CRB1: variants seen among roughly 807,000 people sequenced by gnomAD.
CRB1 encodes protein crumbs homolog 1.
A neutral mutation model predicts 120.0 loss-of-function variants in CRB1; 83 were observed. That is an observed-to-expected ratio of 0.69 (90% CI 0.58 to 0.83). The LOEUF (loss-of-function observed/expected upper bound fraction) is 0.83. Among genes scored for constraint, CRB1 ranks in the 40% least tolerant of loss-of-function variants. The pLI is 0.00. For missense variants in CRB1, 1,699 were observed against 1,687.6 expected, an observed-to-expected ratio of 1.01 and a Z score of -0.12; for synonymous variants, 625 against 612.5, an observed-to-expected ratio of 1.02 and a Z score of -0.30.
In CRB1 at chr1:197,329,018, A is replaced by G. The variant is rs755472793; in HGVS notation, c.652+15A>G. ...CAATTATTCTGGTAAGTGTGATCAT[A>G]TCTGAATCACAGATGGTGTAGTTAG... On this transcript the variant is annotated intron_variant, in intron 2 of 11. Transcript: ENST00000367400. The G allele has an allele frequency of 6.3e-7, 1 of 1,585,744 alleles. No homozygotes were observed. Among genetic ancestry groups the G allele is most frequent in the Non-Finnish European group, 8.6e-7 (1 of 1,158,778 alleles).
At chr1:197,220,104 C>G in the CRB1 span, among the ~76,000 whole-genome samples, 1 of 152,034 alleles carries the variant, frequency 6.6e-6, no homozygotes, top group Non-Finnish European at 1.5e-5. Context: ...CATCCTCTTT[C>G]TTTATTCTCC....
chr1:197,298,769 CATT>C (rs1656690189), intron 1 of CRB1, among the ~76,000 whole-genome samples: 2 of 152,036 alleles, frequency 1.3e-5, no homozygotes, highest in South Asian at 4.1e-4. Flanking sequence ...GTATTGCCAT[CATT>C]GGGAACAGAA....
chr1:197,430,260 C>T (rs1323734543), intron 8 of CRB1, among the ~76,000 whole-genome samples: 4 of 152,148 alleles, frequency 2.6e-5, no homozygotes, highest in Non-Finnish European at 4.4e-5. Flanking sequence ...TATTTATATT[C>T]TGTCTTCTCA....
At chr1:197,419,609 C>T (rs1664182426) in intron 5 of CRB1, among the ~76,000 whole-genome samples, 1 of 152,008 alleles carries the variant, frequency 6.6e-6, no homozygotes, top group South Asian at 2.1e-4. Context: ...GCAATCCACC[C>T]AGCTAGGCCC....
chr1:197,249,243 T>TACAC, the CRB1 span, among the ~76,000 whole-genome samples: 1 of 152,014 alleles, frequency 6.6e-6, no homozygotes, highest in African/African-American at 2.4e-5. Flanking sequence ...TAGTGCTCCA[T>TACAC]TAAATATACA....
chr1:197,354,722 G>C (rs937864842), intron 4 of CRB1, among the ~76,000 whole-genome samples: 4 of 145,348 alleles, frequency 2.8e-5, no homozygotes, highest in Non-Finnish European at 6.0e-5. Flanking sequence ...ATTTCAACAA[G>C]CAAAAGCACA....
At chr1:197,472,277 T>C (rs1386808605) in intron 11 of CRB1, among the ~76,000 whole-genome samples, 3 of 152,348 alleles carry the variant, frequency 2.0e-5, no homozygotes, top group Middle Eastern at 6.8e-3. Context: ...CAGGAAAGAC[T>C]TGAAGTAATT....
chr1:197,323,150 G>A (rs1658299858), intron 1 of CRB1, among the ~76,000 whole-genome samples: 1 of 152,042 alleles, frequency 6.6e-6, no homozygotes, highest in Admixed American at 6.6e-5. Context: ...CTATTTTGAT[G>A]TACAGTGGAA....
In CRB1 at chr1:197,420,575, A is replaced by G. The variant is rs138992998; in HGVS notation, c.1172-425A>G. Among the ~76,000 whole-genome samples, 334 of 152,324 alleles carry G rather than the reference A, an allele frequency of 2.2e-3. 2 individuals are homozygous for G. The highest frequency in any genetic ancestry group is 7.7e-3 in the African/African-American group (320 of 41,576). ...ATATAAGGCAAAATCACTGTTTCCA[A>G]GTAGAATAGAGTGAAATCTGCAGCC... On this transcript the variant is annotated intron_variant, in intron 5 of 11. Coordinates refer to ENST00000367400, the MANE Select transcript of CRB1 (RefSeq NM_201253.3).
intron 5 of CRB1, chr1:197,360,532 TAA>T (rs1285060705): frequency 6.6e-6 from 1 of 152,208 alleles, no homozygotes; most frequent in Non-Finnish European, 1.5e-5. Flanking sequence ...TTTTCCTTGG[TAA>T]CTCCAATACT....
Position 197,406,004 on chromosome 1 carries a change from G to A in CRB1, c.1172-14996G>A, listed in dbSNP as rs1229413161. 8.8e-4 allele frequency among the ~76,000 whole-genome samples: 133 copies of A among 150,892 alleles called. 1 individual carries two copies. Among genetic ancestry groups the A allele is most frequent in the Admixed American group, 2.8e-3 (42 of 15,246 alleles). On this transcript the variant is annotated intron_variant, in intron 5 of 11. Coordinates refer to ENST00000367400, the MANE Select transcript of CRB1 (RefSeq NM_201253.3). ...CCGCCCCGTCCGGGAGGTGAGGGGC[G>A]CCTCTGCCCGGCCGCCCCTACTGGG...
intron 1 of CRB1, among the ~76,000 whole-genome samples, chr1:197,276,987 T>A (rs865896758): frequency 6.6e-6 from 1 of 151,900 alleles, no homozygotes; most frequent in Non-Finnish European, 1.5e-5. Context: ...AAGATAAACA[T>A]TGAGGAATTT....
At chr1:197,468,575 T>C (rs1666846435) in intron 11 of CRB1, among the ~76,000 whole-genome samples, 1 of 152,160 alleles carries the variant, frequency 6.6e-6, no homozygotes, top group Admixed American at 6.5e-5. Context: ...GAGTCGATAA[T>C]AATTGATCAG....
the CRB1 span, chr1:197,222,444 A>G: frequency 2.6e-6 from 2 of 768,684 alleles, no homozygotes; most frequent in Admixed American, 3.4e-5. Flanking sequence ...CGTCATGGTG[A>G]TGGTGAAGGG....
chr1:197,342,272 G>C (rs1309651754), intron 2 of CRB1, among the ~76,000 whole-genome samples: 3 of 152,082 alleles, frequency 2.0e-5, no homozygotes, highest in South Asian at 4.2e-4. Context: ...TGAATTTTTA[G>C]CAGAACCTCT....
chr1:197,449,401 C>A (rs931121684), intron 11 of CRB1, among the ~76,000 whole-genome samples: 22 of 152,108 alleles, frequency 1.4e-4, no homozygotes, highest in South Asian at 4.1e-4. Context: ...GAGTCTCGCA[C>A]TGTCGCCCAG....
chr1:197,455,229 C>T (rs536237122), intron 11 of CRB1, among the ~76,000 whole-genome samples: 3 of 152,280 alleles, frequency 2.0e-5, no homozygotes, highest in Admixed American at 2.0e-4. Flanking sequence ...ATGCCATTGA[C>T]ATCTATCACA....
At chr1:197,245,773 TC>T in the CRB1 span, among the ~76,000 whole-genome samples, 2 of 152,078 alleles carry the variant, frequency 1.3e-5, no homozygotes, top group Non-Finnish European at 2.9e-5. Flanking sequence ...GGATGGATGT[TC>T]CTTGCTACTG....
intron 1 of CRB1, among the ~76,000 whole-genome samples, chr1:197,311,858 C>T (rs889816131): frequency 1.3e-5 from 2 of 151,874 alleles, no homozygotes; most frequent in East Asian, 3.9e-4. Context: ...TTATCTGTTT[C>T]TTATAGATTT....
Sources: gnomAD v4.1 joint callset for allele counts (sites outside exome capture counted in the v4.1 genomes callset) on GRCh38, gnomAD v4.1.1 for gene constraint, MANE v1.5 for transcripts, NCBI Gene and HGNC (gene_info 2026-07-23, HGNC 2026-07-21) for gene names.